The following LRRC4C variants were observed in gnomAD, a reference collection of about 807,000 sequenced individuals.
The protein encoded by LRRC4C is leucine-rich repeat-containing protein 4C.
LRRC4C carries 5 observed loss-of-function variants against 33.6 expected under a neutral mutation model. The ratio of observed to expected loss-of-function variants is 0.15; its 90% CI spans 0.08 to 0.31. LRRC4C has a LOEUF of 0.31. Ranked by LOEUF, LRRC4C falls within the 10% of genes least tolerant of loss-of-function variation. The pLI is 1.00. For synonymous variants in LRRC4C, 329 were observed against 302.0 expected (o/e 1.09, Z -0.93); for missense variants, 560 against 796.7 (o/e 0.70, Z 3.58).
At chr11:40,535,585 A>G (rs1036370080) in intron 3 of LRRC4C, among the ~76,000 whole-genome samples, 1 of 152,242 alleles carries the variant, frequency 6.6e-6, no homozygotes, top group East Asian at 1.9e-4. Flanking sequence ...AAGTTATTTG[A>G]AAAGATTAGT....
At chr11:40,377,990 T>G (rs559443547) in intron 3 of LRRC4C, among the ~76,000 whole-genome samples, 5 of 152,218 alleles carry the variant, frequency 3.3e-5, no homozygotes, top group Non-Finnish European at 5.9e-5. Flanking sequence ...TCTGCTGTAA[T>G]GCAAATTTAT....
chr11:41,104,624 A>G (rs1941388669), intron 1 of LRRC4C, among the ~76,000 whole-genome samples: 1 of 151,946 alleles, frequency 6.6e-6, no homozygotes. Context: ...GTTTACTTGA[A>G]AGAAATGAAA....
chr11:40,312,535 T>G (rs1590279310), intron 4 of LRRC4C, among the ~76,000 whole-genome samples: 1 of 152,314 alleles, frequency 6.6e-6, no homozygotes, highest in Admixed American at 6.5e-5. Flanking sequence ...CTGGGTTAAG[T>G]AAACTCCTCC....
chr11:41,279,430 C>CACACACA (rs1341502219), intron 1 of LRRC4C, among the ~76,000 whole-genome samples: 1 of 92,524 alleles, frequency 1.1e-5, no homozygotes, highest in Non-Finnish European at 2.5e-5. Flanking sequence ...ACACACACAC[C>CACACACA]GTGGCAATCA....
At chr11:40,836,815 C>G (rs1952693186) in intron 2 of LRRC4C, among the ~76,000 whole-genome samples, 1 of 152,070 alleles carries the variant, frequency 6.6e-6, no homozygotes, top group Non-Finnish European at 1.5e-5. Flanking sequence ...TAGAAAGTCC[C>G]AGAACAACAA....
intron 2 of LRRC4C, among the ~76,000 whole-genome samples, chr11:40,819,394 A>G (rs1056137039): frequency 5.3e-5 from 8 of 152,128 alleles, no homozygotes; most frequent in African/African-American, 1.9e-4. Context: ...TTGCCCCGGA[A>G]TTCTGCTACT....
rs1269778557 is a variant in LRRC4C at position 41,164,970 on chromosome 11, T to C, written c.-495-231247A>G. Among the ~76,000 whole-genome samples the C allele has an allele frequency of 5.3e-5, 8 of 152,242 alleles. No individual in the cohort carries two copies. The East Asian group carries it at 1.5e-3, about 29-fold the overall frequency. On this transcript the variant is annotated intron_variant, in intron 1 of 6. Transcript: ENST00000528697. ...CCTTGCTCTCCCAGGATCGATTGTA[T>C]CTTGGGTTAAAAGAACCTGCTCTCC...
intron 2 of LRRC4C, among the ~76,000 whole-genome samples, chr11:40,926,249 G>A (rs1957402653): frequency 6.6e-6 from 1 of 152,072 alleles, no homozygotes; most frequent in African/African-American, 2.4e-5. Context: ...CTTTCCTTCT[G>A]TCCTGTGACC....
intron 3 of LRRC4C, among the ~76,000 whole-genome samples, chr11:40,538,250 T>G (rs1454869975): frequency 6.6e-6 from 1 of 151,984 alleles, no homozygotes; most frequent in East Asian, 1.9e-4. Flanking sequence ...GCAGCACTCA[T>G]TATTTTTATC....
intron 2 of LRRC4C, among the ~76,000 whole-genome samples, chr11:40,670,107 G>GA (rs1297671599): frequency 2.0e-5 from 3 of 152,120 alleles, no homozygotes; most frequent in East Asian, 1.9e-4. Context: ...TTTTCTCCCA[G>GA]AAAAAAATAG....
intron 3 of LRRC4C, among the ~76,000 whole-genome samples, chr11:40,487,085 T>TGG (rs906289492): frequency 5.3e-5 from 8 of 152,052 alleles, no homozygotes; most frequent in Admixed American, 1.3e-4. Flanking sequence ...TTTCTGTGTG[T>TGG]GAGTTGGACT....
At chr11:40,226,641 T>G (rs1227345570) in intron 5 of LRRC4C, among the ~76,000 whole-genome samples, 1 of 152,200 alleles carries the variant, frequency 6.6e-6, no homozygotes, top group Non-Finnish European at 1.5e-5. Context: ...ATCTTACATG[T>G]TGCACAGAGC....
At chr11:40,346,050 C>G (rs1299522558) in intron 3 of LRRC4C, among the ~76,000 whole-genome samples, 1 of 152,156 alleles carries the variant, frequency 6.6e-6, no homozygotes, top group Non-Finnish European at 1.5e-5. Flanking sequence ...TAAAAAATCA[C>G]AGATGCTGGC....
intron 3 of LRRC4C, among the ~76,000 whole-genome samples, chr11:40,504,800 G>C (rs138594074): frequency 6.6e-6 from 1 of 152,152 alleles, no homozygotes; most frequent in African/African-American, 2.4e-5. Flanking sequence ...AGAGAGCGGA[G>C]GCTGTCTCTT....
chr11:40,794,464 A>C (rs1180849633), intron 2 of LRRC4C, among the ~76,000 whole-genome samples: 1 of 151,722 alleles, frequency 6.6e-6, no homozygotes, highest in Admixed American at 6.6e-5. Flanking sequence ...TCAAGGAGAT[A>C]TACTAGCCAT....
At chr11:40,773,137 C>T (rs1228273525) in intron 2 of LRRC4C, among the ~76,000 whole-genome samples, 1 of 151,910 alleles carries the variant, frequency 6.6e-6, no homozygotes, top group Non-Finnish European at 1.5e-5. Context: ...TTTGTGAGAG[C>T]TAAAAATTCA....
chr11:40,275,482 CA>C, intron 4 of LRRC4C, among the ~76,000 whole-genome samples: 1 of 152,280 alleles, frequency 6.6e-6, no homozygotes, highest in East Asian at 1.9e-4. Flanking sequence ...CTCTGAAGCA[CA>C]ACGGAGCCCA....
At chr11:40,884,827 A>T (rs2136053771) in intron 2 of LRRC4C, among the ~76,000 whole-genome samples, 1 of 152,212 alleles carries the variant, frequency 6.6e-6, no homozygotes, top group South Asian at 2.1e-4. Context: ...AGTTACCTTT[A>T]AAATCTATCC....
chr11:40,708,234 T>C (rs1946270500), intron 2 of LRRC4C, among the ~76,000 whole-genome samples: 1 of 152,152 alleles, frequency 6.6e-6, no homozygotes, highest in East Asian at 1.9e-4. Context: ...CTAATCTTAG[T>C]TATTTCTTGC....
Sources: gnomAD v4.1 joint callset for allele counts (sites outside exome capture counted in the v4.1 genomes callset) on GRCh38, gnomAD v4.1.1 for gene constraint, MANE v1.5 for transcripts, NCBI Gene and HGNC (gene_info 2026-07-23, HGNC 2026-07-21) for gene names.